Variants in ORC4 observed in about 807,000 individuals in gnomAD.
ORC4 encodes origin recognition complex, subunit 4 homolog.
A neutral mutation model predicts 63.9 loss-of-function variants in ORC4; 55 were observed. The ratio of observed to expected loss-of-function variants is 0.86; its 90% CI spans 0.69 to 1.08. ORC4 has a LOEUF of 1.08. Among genes scored for constraint, ORC4 ranks in the 50% least tolerant of loss-of-function variants. ORC4 has a pLI of 0.00. For synonymous variants in ORC4, 150 were observed against 168.5 expected (o/e 0.89, Z 0.85); for missense variants, 511 against 504.4 (o/e 1.01, Z -0.13).
intron 1 of ORC4, among the ~76,000 whole-genome samples, chr2:147,984,091 A>G (rs184408834): frequency 7.6e-4 from 116 of 152,332 alleles, no homozygotes; most frequent in African/African-American, 2.7e-3. Context: ...GGAAGGGTTG[A>G]TACTGTATAG....
At chr2:147,964,719 T>A (rs921274348) in intron 4 of ORC4, among the ~76,000 whole-genome samples, 1 of 152,318 alleles carries the variant, frequency 6.6e-6, no homozygotes, top group Admixed American at 6.5e-5. Flanking sequence ...GGAATCCCTA[T>A]TATACTAACA....
intron 7 of ORC4, among the ~76,000 whole-genome samples, chr2:147,953,447 CAG>C (rs1217118649): frequency 8.5e-5 from 13 of 152,058 alleles, no homozygotes; most frequent in South Asian, 2.1e-4. Flanking sequence ...ATAAAATTGA[CAG>C]AGTTTTCTAT....
At chr2:147,947,634 T>G (rs1688730648) in intron 9 of ORC4, 2 of 154,376 alleles carry the variant, frequency 1.3e-5, no homozygotes, top group African/African-American at 4.8e-5. Flanking sequence ...CTGAAGTTGC[T>G]AATGAAAACT....
At chr2:147,939,325 T>C in intron 10 of ORC4, 77 bp from the exon 11 acceptor site, 2 of 850,316 alleles carry the variant, frequency 2.4e-6, no homozygotes, top group South Asian at 2.7e-5. Flanking sequence ...ACTTCTGAAT[T>C]TGTATAGTTA....
At position 147,973,457 on chromosome 2, in the gene ORC4, A is replaced by G; in HGVS notation, c.125T>C (p.Val42Ala). The G allele has an allele frequency of 6.3e-7, 1 of 1,597,254 alleles. No individual in the cohort carries two copies. The highest frequency in any genetic ancestry group is 8.6e-7 in the Non-Finnish European group (1 of 1,164,904). The change falls in exon 3 of 14, where the codon GTA becomes GCA. Residue 42 changes from valine to alanine, a missense_variant. Val to Ala is a moderately conservative substitution (Grantham distance 64). Coordinates refer to ENST00000392857, the MANE Select transcript of ORC4 (RefSeq NM_181741.4). ...SPHSNLFGVQ[V>A]QYKHLSELLK... ...GGACAGCTAGACTTACTTGTATTGTACTTGCACTCCAAATAGGTTACTATG... is the reference window on the plus strand; with the variant it reads ...GGACAGCTAGACTTACTTGTATTGTGCTTGCACTCCAAATAGGTTACTATG...
At chr2:147,995,750 C>T (rs1438920443) in intron 1 of ORC4, among the ~76,000 whole-genome samples, 4 of 152,028 alleles carry the variant, frequency 2.6e-5, no homozygotes, top group Non-Finnish European at 4.4e-5. Context: ...GAAGAAACTC[C>T]GGACACATCT....
At chr2:148,005,109 A>C (rs1427168251) in intron 1 of ORC4, among the ~76,000 whole-genome samples, 2 of 152,242 alleles carry the variant, frequency 1.3e-5, no homozygotes, top group African/African-American at 4.8e-5. Context: ...ATGCATACGT[A>C]TGTTTATTGC....
chr2:147,952,261 A>G (rs1228392199), intron 8 of ORC4, 112 bp downstream of exon 8: 3 of 788,896 alleles, frequency 3.8e-6, no homozygotes, highest in Non-Finnish European at 6.2e-6. Context: ...GGCACTGCTG[A>G]AACAAAATTT....
rs966032992 is a variant in ORC4 at position 147,935,292 on chromosome 2, G to A, written c.*218C>T. ...TAAAACAGTCATATTTTATTCTTCT[G>A]AACAGCTACTTACAAAGTAATCTCA... is the stretch of plus-strand genomic sequence containing the variant. On this transcript the variant is annotated 3_prime_UTR_variant, in exon 14 of 14. Coordinates refer to ENST00000392857, the MANE Select transcript of ORC4 (RefSeq NM_181741.4). The A allele has an allele frequency of 2.0e-5, 11 of 563,382 alleles. No individual in the cohort carries two copies. The highest frequency in any genetic ancestry group is 1.3e-4 in the African/African-American group (7 of 53,126). 34.9% of individuals were successfully genotyped at this position (563,382 alleles called of 1,614,324 possible). A position where few individuals can be genotyped will look rare whatever the true frequency, so the allele number is the denominator to read the frequency against.
intron 4 of ORC4, among the ~76,000 whole-genome samples, chr2:147,966,418 C>CA (rs1232287971): frequency 6.6e-6 from 1 of 151,748 alleles, no homozygotes; most frequent in Non-Finnish European, 1.5e-5. Flanking sequence ...AAGGAATAAA[C>CA]AAAATTGAGA....
intron 10 of ORC4, among the ~76,000 whole-genome samples, chr2:147,941,240 A>G (rs1688345511): frequency 6.6e-6 from 1 of 151,946 alleles, no homozygotes; most frequent in East Asian, 1.9e-4. Flanking sequence ...CTAATTTCCT[A>G]TTGACAGACA....
In ORC4 at chr2:148,003,327, C is replaced by T. The variant is rs186286599; in HGVS notation, c.-18+17306G>A. 7.3e-3 allele frequency among the ~76,000 whole-genome samples: 1,105 copies of T among 152,238 alleles called. 13 individuals are homozygous for T. The highest frequency in any genetic ancestry group is 0.025 in the African/African-American group (1,038 of 41,554). ...ACAACAAAAAAAGAAAATTCCAGGCCAATATCCCTGATGAACATCAATGCA... is the reference window on the plus strand; with the variant it reads ...ACAACAAAAAAAGAAAATTCCAGGCTAATATCCCTGATGAACATCAATGCA... On this transcript the variant is annotated intron_variant, in intron 1 of 13. Coordinates refer to ENST00000392857, the MANE Select transcript of ORC4 (RefSeq NM_181741.4).
intron 1 of ORC4, among the ~76,000 whole-genome samples, chr2:147,995,543 C>A (rs1691911716): frequency 6.6e-6 from 1 of 152,166 alleles, no homozygotes. Context: ...GCTGCTCACT[C>A]TTTGGGTCCG....
At chr2:147,975,010 TACAAA>T (rs1690459280) in intron 2 of ORC4, among the ~76,000 whole-genome samples, 1 of 152,122 alleles carries the variant, frequency 6.6e-6, no homozygotes, top group African/African-American at 2.4e-5. Context: ...GCACTTTACA[TACAAA>T]GGTATGTAAA....
intron 1 of ORC4, among the ~76,000 whole-genome samples, chr2:148,000,408 C>T (rs958683789): frequency 1.3e-5 from 2 of 152,146 alleles, no homozygotes; most frequent in Admixed American, 1.3e-4. Context: ...AATTTTACAA[C>T]AGATGCTATG....
rs966954258 is a variant in ORC4 at position 147,976,025 on chromosome 2, T to G, written c.-17-50A>C. 4 of 910,440 alleles carry G rather than the reference T, an allele frequency of 4.4e-6. No homozygotes were observed. The South Asian group carries it at 5.2e-5, about 12-fold the overall frequency. The allele number at this position is 910,440 out of a possible 1,614,324, so 56.4% of individuals were successfully genotyped here. ...TATAAACGTAGTGACTTAAAGAGATTACTTAAGAATTTACTGTTCTAGAAT... is the reference window on the plus strand; with the variant it reads ...TATAAACGTAGTGACTTAAAGAGATGACTTAAGAATTTACTGTTCTAGAAT... On this transcript the variant is annotated intron_variant, in intron 1 of 13. Coordinates refer to ENST00000392857, the MANE Select transcript of ORC4 (RefSeq NM_181741.4).
rs1233796794 is a variant in ORC4 at position 147,935,009 on chromosome 2, C to G, written c.*501G>C. 1.3e-5 allele frequency: 2 copies of G among 155,268 alleles called. No homozygotes were observed. The highest frequency in any genetic ancestry group is 2.9e-5 in the Non-Finnish European group (2 of 70,036). The allele number at this position is 155,268 out of a possible 1,614,324, so 9.6% of individuals were successfully genotyped here. A position where few individuals can be genotyped will look rare whatever the true frequency, so the allele number is the denominator to read the frequency against. On this transcript the variant is annotated 3_prime_UTR_variant, in exon 14 of 14. Transcript: ENST00000392857. Reference sequence around the variant, plus strand: ...TGGCCTTTTTCTTCCATGGAACCATCTTCTGACTAAGCTGGTTAGTCTTCT... The same window carrying G: ...TGGCCTTTTTCTTCCATGGAACCATGTTCTGACTAAGCTGGTTAGTCTTCT...
chr2:147,951,250 G>T (rs1378185385), intron 8 of ORC4, among the ~76,000 whole-genome samples: 3 of 152,168 alleles, frequency 2.0e-5, no homozygotes, highest in African/African-American at 4.8e-5. Context: ...TGACACATCT[G>T]CCGAGAATGG....
intron 10 of ORC4, among the ~76,000 whole-genome samples, chr2:147,942,323 A>C (rs554349430): frequency 5.6e-4 from 86 of 152,266 alleles, no homozygotes; most frequent in African/African-American, 2.0e-3. Flanking sequence ...CTTAGTGAAG[A>C]AAGTTAATTT....
Sources: allele counts gnomAD v4.1 joint callset (sites outside exome capture counted in the v4.1 genomes callset), GRCh38; gene constraint gnomAD v4.1.1; transcripts MANE v1.5; gene names NCBI Gene and HGNC (gene_info 2026-07-23, HGNC 2026-07-21).